Variants in RIMBP2 observed in about 807,000 individuals in gnomAD.
RIMBP2 encodes the protein RIMS binding protein 2.
A neutral mutation model predicts 118.6 loss-of-function variants in RIMBP2; 48 were observed. The observed-to-expected ratio is 0.40, with a 90% CI of 0.32 to 0.51. The LOEUF is 0.51. Ranked by LOEUF, RIMBP2 falls within the 20% of genes least tolerant of loss-of-function variation. The pLI, the probability that RIMBP2 is intolerant of heterozygous loss-of-function variation, is 0.41. For synonymous variants in RIMBP2, 762 were observed against 742.9 expected (o/e 1.03, Z -0.42); for missense variants, 1,551 against 1,768.3 (o/e 0.88, Z 2.20).
chr12:130,516,611 G>T (rs1468684784), intron 3 of RIMBP2, among the ~76,000 whole-genome samples: 2 of 152,246 alleles, frequency 1.3e-5, no homozygotes, highest in African/African-American at 4.8e-5. Context: ...TAACCTGAGG[G>T]TTGAAAGGCA....
intron 4 of RIMBP2, among the ~76,000 whole-genome samples, chr12:130,506,381 C>T (rs551533102): frequency 6.6e-6 from 1 of 152,278 alleles, no homozygotes; most frequent in South Asian, 2.1e-4. Context: ...GTGTGCCTGC[C>T]ACTGCACAGC....
At chr12:130,608,569 C>A (rs2060323446) in intron 2 of RIMBP2, among the ~76,000 whole-genome samples, 1 of 152,176 alleles carries the variant, frequency 6.6e-6, no homozygotes, top group Admixed American at 6.5e-5. Context: ...TGGGCTAGGA[C>A]CCTCCTCCTG....
chr12:130,650,880 G>A (rs1460310467), intron 1 of RIMBP2, among the ~76,000 whole-genome samples: 1 of 150,002 alleles, frequency 6.7e-6, no homozygotes, highest in Non-Finnish European at 1.5e-5. Context: ...ATGCAAGCCT[G>A]CTGACCTTGG....
rs1381466214 is a variant in RIMBP2 at position 130,622,389 on chromosome 12, A to C, written c.-217+5933T>G. On this transcript the variant is annotated intron_variant, in intron 2 of 22. Coordinates refer to ENST00000690449, the MANE Select transcript of RIMBP2 (RefSeq NM_001393629.1). The surrounding 1 kb of genome is among the most constrained non-coding windows in gnomAD (Gnocchi z 8.5). ...TAATTATATTGAAAAAGGAAACTAC[A>C]TATAACACAAAACTGTTGGTTAATT... Among the ~76,000 whole-genome samples the C allele has an allele frequency of 6.6e-6, 1 of 152,230 alleles. No individual in the cohort carries two copies. Among genetic ancestry groups the C allele is most frequent in the African/African-American group, 2.4e-5 (1 of 41,468 alleles).
At chr12:130,479,993 TCA>T (rs1267651387) in intron 4 of RIMBP2, among the ~76,000 whole-genome samples, 1 of 151,342 alleles carries the variant, frequency 6.6e-6, no homozygotes, top group Admixed American at 6.6e-5. Context: ...CCCATGAAGC[TCA>T]CAGCAGTGAC....
chr12:130,693,729 C>T (rs1296358386), intron 1 of RIMBP2, among the ~76,000 whole-genome samples: 1 of 152,242 alleles, frequency 6.6e-6, no homozygotes, highest in African/African-American at 2.4e-5. Flanking sequence ...TGGCACATGA[C>T]AGCTCCAACC....
intron 1 of RIMBP2, among the ~76,000 whole-genome samples, chr12:130,649,015 T>C (rs12311562): frequency 0.1 from 14,847 of 145,308 alleles, 2,505 homozygotes; most frequent in Non-Finnish European, 0.12. Context: ...GAACACCATT[T>C]TCATGTGGAT....
chr12:130,694,259 G>A (rs1262528301), intron 1 of RIMBP2, among the ~76,000 whole-genome samples: 1 of 152,166 alleles, frequency 6.6e-6, no homozygotes, highest in African/African-American at 2.4e-5. Flanking sequence ...TCAACCAGGG[G>A]AACGAGCCAT....
At chr12:130,655,814 G>A (rs1594153162) in intron 1 of RIMBP2, among the ~76,000 whole-genome samples, 1 of 152,258 alleles carries the variant, frequency 6.6e-6, no homozygotes, top group Admixed American at 6.5e-5. Flanking sequence ...AGAATGAAAA[G>A]GGAGGGACGT....
chr12:130,459,055 A>AC (rs1566076980), intron 6 of RIMBP2, among the ~76,000 whole-genome samples: 23 of 15,460 alleles, frequency 1.5e-3, no homozygotes, highest in African/African-American at 1.6e-3. Context: ...AAAAAAAAAA[A>AC]AAAACAAAAA....
At chr12:130,539,164 TATAC>T (rs567932232) in intron 2 of RIMBP2, among the ~76,000 whole-genome samples, 37 of 152,340 alleles carry the variant, frequency 2.4e-4, no homozygotes, top group African/African-American at 8.9e-4. Context: ...GGGGAGAATA[TATAC>T]ATACATATAT....
intron 1 of RIMBP2, among the ~76,000 whole-genome samples, chr12:130,706,136 C>A (rs997741551): frequency 6.6e-6 from 1 of 152,156 alleles, no homozygotes; most frequent in Admixed American, 6.5e-5. Flanking sequence ...GTTTGTTGAA[C>A]CCTCACACTA....
At chr12:130,664,142 A>G (rs1350670911) in intron 1 of RIMBP2, among the ~76,000 whole-genome samples, 2 of 151,800 alleles carry the variant, frequency 1.3e-5, no homozygotes, top group Non-Finnish European at 2.9e-5. Context: ...GTCAACAAAT[A>G]CTGAACCCCA....
At chr12:130,438,320 G>A (rs372710634) in intron 12 of RIMBP2, 45 bp downstream of exon 12, 95 of 1,598,522 alleles carry the variant, frequency 5.9e-5, no homozygotes, top group South Asian at 4.6e-4. Flanking sequence ...TCCCTGCTGC[G>A]TTAGGGCCTA....
At chr12:130,438,334 A>ATGCCCCCCCCC in intron 12 of RIMBP2, 31 bp downstream of exon 12, 6 of 1,344,514 alleles carry the variant, frequency 4.5e-6, no homozygotes, top group Non-Finnish European at 6.4e-6. Flanking sequence ...GGGCCTAACA[A>ATGCCCCCCCCC]ACCCTCCCCA....
At position 130,703,256 on chromosome 12, in the gene RIMBP2, C is replaced by G. The variant is rs1440660634; in HGVS notation, c.-352+12966G>C. Among the ~76,000 whole-genome samples, 1 of 152,058 alleles carries G rather than the reference C, an allele frequency of 6.6e-6. No homozygotes were observed. The highest frequency in any genetic ancestry group is 1.5e-5 in the Non-Finnish European group (1 of 68,008). On this transcript the variant is annotated intron_variant, in intron 1 of 22. Coordinates refer to ENST00000690449, the MANE Select transcript of RIMBP2 (RefSeq NM_001393629.1). The surrounding 1 kb of genome is among the most constrained non-coding windows in gnomAD (Gnocchi z 5.7). Reference sequence around the variant, plus strand: ...GACGCCTGGTGTTGGCCTTGTGCACCCCGATTAACCTCCAGGCGGGCTCCC... The same window carrying G: ...GACGCCTGGTGTTGGCCTTGTGCACGCCGATTAACCTCCAGGCGGGCTCCC...
intron 1 of RIMBP2, among the ~76,000 whole-genome samples, chr12:130,649,281 T>C (rs1394326628): frequency 9.1e-6 from 1 of 109,600 alleles, no homozygotes; most frequent in Non-Finnish European, 2.4e-5. Flanking sequence ...GTTTCTCTCC[T>C]CCTCAGCGGA....
intron 4 of RIMBP2, among the ~76,000 whole-genome samples, chr12:130,498,249 C>T (rs539903493): frequency 3.9e-5 from 6 of 152,328 alleles, no homozygotes; most frequent in African/African-American, 1.4e-4. Context: ...AGTCATTCTC[C>T]ATGAAGGCAG....
chr12:130,579,727 C>T (rs1021595631), intron 2 of RIMBP2, among the ~76,000 whole-genome samples: 3 of 151,978 alleles, frequency 2.0e-5, no homozygotes, highest in African/African-American at 7.3e-5. Context: ...GCCTCACACT[C>T]GTGCCCGGTC....
Sources: allele counts gnomAD v4.1 joint callset (sites outside exome capture counted in the v4.1 genomes callset), GRCh38; gene constraint gnomAD v4.1.1; non-coding constraint Gnocchi (gnomAD v3.1); transcripts MANE v1.5; gene names NCBI Gene and HGNC (gene_info 2026-07-23, HGNC 2026-07-21).